ZBTB16: variants seen among roughly 807,000 people sequenced by gnomAD.
ZBTB16 encodes zinc finger and BTB domain containing 16.
A neutral mutation model predicts 56.8 loss-of-function variants in ZBTB16; 8 were observed. The observed-to-expected ratio is 0.14, with a 90% CI of 0.08 to 0.25. The LOEUF (loss-of-function observed/expected upper bound fraction) is 0.25, where lower values mean the gene tolerates loss of function less well. Ranked by LOEUF, ZBTB16 falls within the 10% of genes least tolerant of loss-of-function variation. The pLI is 1.00. For synonymous variants in ZBTB16, 363 were observed against 368.5 expected, an observed-to-expected ratio of 0.98 and a Z score of 0.17; for missense variants, 625 against 903.0, an observed-to-expected ratio of 0.69 and a Z score of 3.95.
intron 4 of ZBTB16, among the ~76,000 whole-genome samples, chr11:114,233,928 C>T (rs189300495): frequency 6.6e-6 from 1 of 152,314 alleles, no homozygotes; most frequent in East Asian, 1.9e-4. Flanking sequence ...AGGACACAGC[C>T]ACATTCCCCA....
intron 4 of ZBTB16, chr11:114,237,438 G>C (rs1362403038): frequency 6.6e-6 from 1 of 152,242 alleles, no homozygotes. Flanking sequence ...TCCAGTCAGA[G>C]CACCTCCCCT....
chr11:114,083,791 G>GC (rs554355137), intron 2 of ZBTB16, among the ~76,000 whole-genome samples: 63 of 151,494 alleles, frequency 4.2e-4, no homozygotes, highest in Non-Finnish European at 7.2e-4. Flanking sequence ...TCTTGATGCC[G>GC]CCCCCCCGCC....
At chr11:114,171,340 C>A (rs564468448) in intron 3 of ZBTB16, among the ~76,000 whole-genome samples, 14 of 152,362 alleles carry the variant, frequency 9.2e-5, no homozygotes, top group African/African-American at 3.4e-4. Context: ...CATTCCTAGA[C>A]ATACAGTCCT....
intron 4 of ZBTB16, among the ~76,000 whole-genome samples, chr11:114,241,204 A>G (rs1944694753): frequency 6.6e-6 from 1 of 151,848 alleles, no homozygotes; most frequent in Non-Finnish European, 1.5e-5. Flanking sequence ...TGGACCTAAG[A>G]TTCATGCTTT....
chr11:114,246,633 C>A (rs146172454), intron 5 of ZBTB16, among the ~76,000 whole-genome samples: 1 of 152,062 alleles, frequency 6.6e-6, no homozygotes, highest in Non-Finnish European at 1.5e-5. Context: ...AGCGTCCACG[C>A]GGGGGTATCA....
intron 4 of ZBTB16, among the ~76,000 whole-genome samples, chr11:114,202,745 C>T (rs553094238): frequency 5.3e-5 from 8 of 152,110 alleles, no homozygotes; most frequent in Non-Finnish European, 1.0e-4. Flanking sequence ...TGCAGTCCTG[C>T]GGAGCCCCGG....
intron 2 of ZBTB16, among the ~76,000 whole-genome samples, chr11:114,130,356 T>C (rs2134857141): frequency 6.6e-6 from 1 of 152,338 alleles, no homozygotes; most frequent in East Asian, 1.9e-4. Context: ...TGGAGGGTCT[T>C]GGCTGGAGAG....
intron 4 of ZBTB16, among the ~76,000 whole-genome samples, chr11:114,236,493 A>G (rs1156781080): frequency 6.6e-6 from 1 of 152,170 alleles, no homozygotes; most frequent in Non-Finnish European, 1.5e-5. Context: ...TGGAGTGACA[A>G]CGAAGGAGTC....
chr11:114,139,749 C>T (rs2134889863), intron 2 of ZBTB16, among the ~76,000 whole-genome samples: 1 of 152,124 alleles, frequency 6.6e-6, no homozygotes, highest in East Asian at 1.9e-4. Context: ...GACAGAGCCT[C>T]CTGGCAAGTG....
rs1938946852 is a variant in ZBTB16, at chr11:114,063,073, A to G, written c.-90-138A>G. The G allele has an allele frequency of 1.2e-5, 7 of 578,588 alleles. No individual in the cohort carries two copies. The East Asian group carries it at 1.8e-4, about 15-fold the overall frequency. 35.8% of individuals were successfully genotyped at this position (578,588 alleles called of 1,614,324 possible). Reference sequence around the variant, plus strand: ...GGAAGCTACTTCAATTAAAATCTCTAAGATCCTCTTGCTAAGGGCTTGGCA... The same window carrying G: ...GGAAGCTACTTCAATTAAAATCTCTGAGATCCTCTTGCTAAGGGCTTGGCA... On this transcript the variant is annotated intron_variant, in intron 1 of 6. Transcript: ENST00000335953. This position sits in a 1 kb window ranked among gnomAD's most constrained non-coding sequence, Gnocchi z 6.5.
chr11:114,123,487 A>G (rs553956496), intron 2 of ZBTB16, among the ~76,000 whole-genome samples: 1 of 152,220 alleles, frequency 6.6e-6, no homozygotes, highest in African/African-American at 2.4e-5. Context: ...GCATATATAC[A>G]CATATGTACA....
chr11:114,141,055 C>T (rs544026109), intron 2 of ZBTB16, among the ~76,000 whole-genome samples: 1 of 152,288 alleles, frequency 6.6e-6, no homozygotes, highest in East Asian at 1.9e-4. Flanking sequence ...TCAGCCCACT[C>T]TACCGCCTCC....
chr11:114,238,241 G>A (rs1231768148), intron 4 of ZBTB16, among the ~76,000 whole-genome samples: 1 of 152,238 alleles, frequency 6.6e-6, no homozygotes, highest in East Asian at 1.9e-4. Context: ...TGCTGCTGCT[G>A]TTGGTCCCCA....
chr11:114,240,828 T>G (rs1380881841), intron 4 of ZBTB16, among the ~76,000 whole-genome samples: 1 of 152,160 alleles, frequency 6.6e-6, no homozygotes, highest in Non-Finnish European at 1.5e-5. Flanking sequence ...TAAATGAAAA[T>G]CTCACATCAC....
At position 114,246,633 on chromosome 11, in the gene ZBTB16, C is replaced by T. The variant is rs146172454; in HGVS notation, c.1625-565C>T. On this transcript the variant is annotated intron_variant, in intron 5 of 6. Transcript: ENST00000335953. ...GGGGAACTAAAGGGAAGCGTCCACGCGGGGGTATCATATGAGCTGGGCTTT... is the reference window on the plus strand; with the variant it reads ...GGGGAACTAAAGGGAAGCGTCCACGTGGGGGTATCATATGAGCTGGGCTTT... Among the ~76,000 whole-genome samples the T allele has an allele frequency of 6.0e-4, 91 of 152,180 alleles. 1 individual carries two copies. In the East Asian group the frequency reaches 0.012, roughly 21 times the overall value.
chr11:114,194,861 G>A (rs1383819803), intron 4 of ZBTB16, among the ~76,000 whole-genome samples: 6 of 152,134 alleles, frequency 3.9e-5, no homozygotes, highest in African/African-American at 1.4e-4. Context: ...TTTATTCTCT[G>A]GGTTTGAAAT....
chr11:114,081,451 A>G (rs1439510181), intron 2 of ZBTB16, among the ~76,000 whole-genome samples: 2 of 152,200 alleles, frequency 1.3e-5, no homozygotes, highest in Non-Finnish European at 2.9e-5. Context: ...AGACTATGAT[A>G]TATATATTCA....
chr11:114,213,722 T>C (rs1187867718), intron 4 of ZBTB16, among the ~76,000 whole-genome samples: 1 of 152,226 alleles, frequency 6.6e-6, no homozygotes, highest in African/African-American at 2.4e-5. Flanking sequence ...AGCTAAGTAG[T>C]ATTAAACATG....
Position 114,064,847 on chromosome 11 carries a change from T to C in ZBTB16, c.1268+279T>C, listed in dbSNP as rs1939053397. The stretch of plus-strand genomic sequence containing the variant: ...TGTTTTTTGCTTTTGGGCCCCTGTT[T>C]GTTTTTTCGGCTGTTTGGTCTGTTC... On this transcript the variant is annotated intron_variant, in intron 2 of 6. Coordinates refer to ENST00000335953, the MANE Select transcript of ZBTB16 (RefSeq NM_006006.6). This position sits in a 1 kb window ranked among gnomAD's most constrained non-coding sequence, Gnocchi z 4.2. Among the ~76,000 whole-genome samples, 1 of 152,156 alleles carries C rather than the reference T, an allele frequency of 6.6e-6. No homozygotes were observed.
Sources: allele counts gnomAD v4.1 joint callset (sites outside exome capture counted in the v4.1 genomes callset), GRCh38; gene constraint gnomAD v4.1.1; non-coding constraint Gnocchi (gnomAD v3.1); transcripts MANE v1.5; gene names NCBI Gene and HGNC (gene_info 2026-07-23, HGNC 2026-07-21).